SPRED2: variants seen among roughly 807,000 people sequenced by gnomAD.
The protein encoded by SPRED2 is sprouty-related, EVH1 domain-containing protein 2.
In SPRED2, 47 loss-of-function variants were observed where a neutral mutation model predicts 43.0. The ratio of observed to expected loss-of-function variants is 1.09; its 90% CI spans 0.87 to 1.40. SPRED2 has a LOEUF of 1.40. SPRED2 is among the 40% of genes most tolerant of loss of function. The pLI, the probability that SPRED2 is intolerant of heterozygous loss-of-function variation, is 0.00. For missense variants in SPRED2, 561 were observed against 586.4 expected (o/e 0.96, Z 0.45); for synonymous variants, 225 against 225.7 (o/e 1.00, Z 0.03).
chr2:65,410,226 G>T (rs1347700328), intron 1 of SPRED2, among the ~76,000 whole-genome samples: 32 of 151,942 alleles, frequency 2.1e-4, no homozygotes, highest in Admixed American at 2.1e-3. Flanking sequence ...GATGCAGTGA[G>T]ACCTTGTCTC....
chr2:65,369,111 CCA>C (rs1675054643), intron 1 of SPRED2, among the ~76,000 whole-genome samples: 1 of 152,110 alleles, frequency 6.6e-6, no homozygotes, highest in South Asian at 2.1e-4. Flanking sequence ...TTAATAATCA[CCA>C]CAGTTACTGT....
At chr2:65,377,091 T>C (rs1028874789) in intron 1 of SPRED2, among the ~76,000 whole-genome samples, 4 of 152,254 alleles carry the variant, frequency 2.6e-5, no homozygotes, top group African/African-American at 9.6e-5. Context: ...GGATGTACCA[T>C]GATTTATTTA....
chr2:65,415,015 C>G (rs1206032095), intron 1 of SPRED2, among the ~76,000 whole-genome samples: 1 of 152,060 alleles, frequency 6.6e-6, no homozygotes, highest in Non-Finnish European at 1.5e-5. Context: ...CCAGGCTGGT[C>G]TTGAATTCCT....
chr2:65,395,545 T>C (rs1367545459), intron 1 of SPRED2, among the ~76,000 whole-genome samples: 1 of 152,180 alleles, frequency 6.6e-6, no homozygotes, highest in East Asian at 1.9e-4. Context: ...CATGGCTTCC[T>C]GTAGTGTCTT....
intron 1 of SPRED2, among the ~76,000 whole-genome samples, 184 bp from the exon 2 acceptor site, chr2:65,345,080 C>T (rs1674310573): frequency 6.6e-6 from 1 of 151,982 alleles, no homozygotes; most frequent in East Asian, 1.9e-4. Flanking sequence ...AACACTTAAA[C>T]TCAATATAAA....
chr2:65,338,972 C>T (rs1287925250), intron 2 of SPRED2, among the ~76,000 whole-genome samples: 6 of 144,200 alleles, frequency 4.2e-5, no homozygotes, highest in African/African-American at 1.5e-4. Context: ...AGGTGAGGGG[C>T]GCCTCTGCCC....
chr2:65,367,149 G>A (rs1303602553), intron 1 of SPRED2, among the ~76,000 whole-genome samples: 2 of 152,188 alleles, frequency 1.3e-5, no homozygotes, highest in African/African-American at 2.4e-5. Context: ...GTGCTGTGAG[G>A]TTACCCAGCT....
At chr2:65,431,830 A>C (rs1366647389) in intron 1 of SPRED2, 132 bp downstream of exon 1, 14 of 1,126,246 alleles carry the variant, frequency 1.2e-5, no homozygotes, top group Non-Finnish European at 1.8e-5. Flanking sequence ...TCGCGTCCCA[A>C]CGCCGAAAGG....
intron 1 of SPRED2, among the ~76,000 whole-genome samples, chr2:65,351,059 G>T (rs1184166962): frequency 6.6e-6 from 1 of 152,168 alleles, no homozygotes; most frequent in African/African-American, 2.4e-5. Flanking sequence ...TTGCTGAAAG[G>T]CTACCTCAGT....
intron 1 of SPRED2, 72 bp downstream of exon 1, chr2:65,431,890 C>G: frequency 6.3e-7 from 1 of 1,575,388 alleles, no homozygotes; most frequent in Non-Finnish European, 8.7e-7. Context: ...AGCGTCCCCG[C>G]CCGCATCCTC....
chr2:65,339,733 T>TA (rs35323811), intron 2 of SPRED2, among the ~76,000 whole-genome samples: 2,458 of 130,364 alleles, frequency 0.019, 57 homozygotes, highest in African/African-American at 0.058. Flanking sequence ...AAAAAAATCC[T>TA]AAAAAAAAAA....
At chr2:65,374,901 C>T (rs1323014266) in intron 1 of SPRED2, among the ~76,000 whole-genome samples, 1 of 152,202 alleles carries the variant, frequency 6.6e-6, no homozygotes, top group Non-Finnish European at 1.5e-5. Flanking sequence ...TCTCAGGTAT[C>T]CCCAAGAGTG....
chr2:65,333,469 G>C (rs1484745375), intron 3 of SPRED2, among the ~76,000 whole-genome samples: 1 of 151,782 alleles, frequency 6.6e-6, no homozygotes, highest in Non-Finnish European at 1.5e-5. Context: ...CAATGTTCTA[G>C]GAAAACTGGT....
At chr2:65,308,354 C>A (rs1672984176), downstream of SPRED2, 1 of 985,360 alleles carries the variant, frequency 1.0e-6, no homozygotes, top group Non-Finnish European at 1.2e-6. Flanking sequence ...AGAAACCCAG[C>A]CAGCTTAGTG....
intron 1 of SPRED2, among the ~76,000 whole-genome samples, chr2:65,367,308 T>G (rs967750414): frequency 1.3e-5 from 2 of 152,120 alleles, no homozygotes; most frequent in African/African-American, 4.8e-5. Flanking sequence ...TATCTGGGGT[T>G]TGTTGTGAAT....
At chr2:65,354,234 AGCTTCTAGT>A in intron 1 of SPRED2, among the ~76,000 whole-genome samples, 1 of 152,258 alleles carries the variant, frequency 6.6e-6, no homozygotes, top group East Asian at 1.9e-4. Context: ...TGGAAGTTGG[AGCTTCTAGT>A]GCCCCCATCA....
chr2:65,311,571 G>A lies in SPRED2; in HGVS notation c.*1930C>T. 1.0e-6 allele frequency: 1 copy of A among 985,890 alleles called. No individual in the cohort carries two copies. The highest frequency in any genetic ancestry group is 1.2e-6 in the Non-Finnish European group (1 of 829,952). 61.1% of individuals were successfully genotyped at this position (985,890 alleles called of 1,614,324 possible). ...ACCCCAAGGAAGTGCCTCCGGGTCG[G>A]GGGAAGGTGGTCTCTCGACAGCACT... On this transcript the variant is annotated 3_prime_UTR_variant, in exon 6 of 6. Coordinates refer to ENST00000356388, the MANE Select transcript of SPRED2 (RefSeq NM_181784.3).
intron 2 of SPRED2, among the ~76,000 whole-genome samples, chr2:65,335,692 CCTAA>C (rs1473586317): frequency 6.6e-6 from 1 of 151,468 alleles, no homozygotes; most frequent in East Asian, 1.9e-4. Context: ...GTCTTGTTCC[CCTAA>C]CTAGACTACA....
At chr2:65,335,397 T>C (rs1388860099) in intron 2 of SPRED2, among the ~76,000 whole-genome samples, 2 of 152,234 alleles carry the variant, frequency 1.3e-5, no homozygotes, top group Non-Finnish European at 2.9e-5. Flanking sequence ...TTTGGATTAA[T>C]AGAACAATAT....
Sources: gnomAD v4.1 joint callset for allele counts (sites outside exome capture counted in the v4.1 genomes callset) on GRCh38, gnomAD v4.1.1 for gene constraint, MANE v1.5 for transcripts, NCBI Gene and HGNC (gene_info 2026-07-23, HGNC 2026-07-21) for gene names.